FSAF1: variants seen among roughly 807,000 people sequenced by gnomAD.
FSAF1 encodes uncharacterized protein C1orf131.
At chr1:231,231,315 A>G in the FSAF1 span, among the ~76,000 whole-genome samples, 2 of 152,182 alleles carry the variant, frequency 1.3e-5, no homozygotes, top group African/African-American at 4.8e-5. Context: ...ACTGCCATGC[A>G]CATCTAATCT....
the FSAF1 span, chr1:231,224,185 C>T: frequency 0.047 from 62,510 of 1,328,088 alleles, 1,682 homozygotes; most frequent in African/African-American, 0.075. Context: ...CTGTGAAATG[C>T]GTGTTAAGAA....
At chr1:231,230,139 A>G in the FSAF1 span, among the ~76,000 whole-genome samples, 1 of 152,192 alleles carries the variant, frequency 6.6e-6, no homozygotes, top group East Asian at 1.9e-4. Flanking sequence ...AGAAAAATGG[A>G]GACAATACTT....
the FSAF1 span, chr1:231,241,141 T>C: frequency 6.2e-7 from 1 of 1,609,676 alleles, no homozygotes; most frequent in Non-Finnish European, 8.5e-7. Flanking sequence ...TCAACCCTCA[T>C]TCTGCCGCGC....
the FSAF1 span, chr1:231,229,085 C>T: frequency 2.2e-6 from 2 of 921,588 alleles, no homozygotes; most frequent in South Asian, 1.9e-5. Flanking sequence ...TATAAACATA[C>T]ATTTATAAAC....
the FSAF1 span, chr1:231,240,966 G>A: frequency 6.7e-7 from 1 of 1,489,400 alleles, no homozygotes; most frequent in South Asian, 1.1e-5. The surrounding 1 kb of genome is among the most constrained non-coding windows in gnomAD (Gnocchi z 4.1). Context: ...GGGCAACACA[G>A]GAGACCCACG....
the FSAF1 span, among the ~76,000 whole-genome samples, chr1:231,231,974 T>C: frequency 6.6e-6 from 1 of 152,294 alleles, no homozygotes; most frequent in South Asian, 2.1e-4. Flanking sequence ...CTTAGTTTTG[T>C]AGCTATTGAT....
the FSAF1 span, among the ~76,000 whole-genome samples, chr1:231,231,207 T>C: frequency 6.6e-6 from 1 of 152,244 alleles, no homozygotes; most frequent in Admixed American, 6.5e-5. Context: ...GGACTCTGTG[T>C]GCGCCACTTC....
chr1:231,225,860 T>C, the FSAF1 span: 1 of 310,084 alleles, frequency 3.2e-6, no homozygotes, highest in African/African-American at 2.1e-5. Context: ...TGAATGGCTA[T>C]TCCAGGTAAG....
At chr1:231,238,633 C>T in the FSAF1 span, 12 of 457,720 alleles carry the variant, frequency 2.6e-5, no homozygotes, top group Admixed American at 3.7e-5. Flanking sequence ...ATGGTGAATA[C>T]CTGCTTTTCA....
chr1:231,225,450 G>C, the FSAF1 span: 1 of 1,610,400 alleles, frequency 6.2e-7, no homozygotes, highest in African/African-American at 1.3e-5. Context: ...TTCAACCCCA[G>C]GACCTGATAA....
chr1:231,224,732 C>T, the FSAF1 span: 2 of 309,980 alleles, frequency 6.5e-6, no homozygotes, highest in Non-Finnish European at 1.2e-5. Context: ...CTGTGGTTTT[C>T]CTTCACAATG....
the FSAF1 span, chr1:231,226,645 T>C: frequency 2.6e-6 from 3 of 1,166,700 alleles, no homozygotes; most frequent in African/African-American, 1.5e-5. Flanking sequence ...GGTGCCTTCA[T>C]TGCTCTCCAA....
At chr1:231,232,684 T>A in the FSAF1 span, among the ~76,000 whole-genome samples, 2 of 152,258 alleles carry the variant, frequency 1.3e-5, no homozygotes, top group Admixed American at 1.3e-4. Flanking sequence ...TGAGAACTTA[T>A]ATGCTGGGCA....
At chr1:231,227,586 T>G in the FSAF1 span, among the ~76,000 whole-genome samples, 3 of 58,278 alleles carry the variant, frequency 5.1e-5, no homozygotes, top group Non-Finnish European at 7.2e-5. Flanking sequence ...TCGCCCACGG[T>G]TTTTTTTTTT....
the FSAF1 span, among the ~76,000 whole-genome samples, chr1:231,239,910 A>T: frequency 6.6e-6 from 1 of 152,352 alleles, no homozygotes; most frequent in African/African-American, 2.4e-5. Context: ...CATGATTTCC[A>T]GCCTGTGTTG....
chr1:231,231,563 G>A, the FSAF1 span, among the ~76,000 whole-genome samples: 1 of 152,090 alleles, frequency 6.6e-6, no homozygotes, highest in Non-Finnish European at 1.5e-5. Flanking sequence ...GCAGTGGCGC[G>A]AGGCACGTCA....
the FSAF1 span, chr1:231,225,392 C>T: frequency 1.3e-3 from 1,786 of 1,368,532 alleles, 5 homozygotes; most frequent in Non-Finnish European, 1.7e-3. Context: ...ACACCACATA[C>T]ATTCAAGGCG....
the FSAF1 span, chr1:231,224,895 C>T: frequency 6.0e-6 from 1 of 166,492 alleles, no homozygotes; most frequent in East Asian, 1.7e-4. Flanking sequence ...ATACCTAAGA[C>T]ACCCACATGC....
At chr1:231,235,959 T>C in the FSAF1 span, among the ~76,000 whole-genome samples, 5 of 152,218 alleles carry the variant, frequency 3.3e-5, no homozygotes, top group Non-Finnish European at 7.3e-5. Flanking sequence ...AGCTGGATTG[T>C]TGTCCAACTC....
Sources: allele counts gnomAD v4.1 joint callset (sites outside exome capture counted in the v4.1 genomes callset), GRCh38; gene constraint gnomAD v4.1.1; non-coding constraint Gnocchi (gnomAD v3.1); transcripts MANE v1.5; gene names NCBI Gene and HGNC (gene_info 2026-07-23, HGNC 2026-07-21).